The following SPAG16 variants were observed in gnomAD, a reference collection of about 807,000 sequenced individuals.
The protein encoded by SPAG16 is sperm associated antigen 16.
In SPAG16, 86 loss-of-function variants were observed where a neutral mutation model predicts 80.4. The ratio of observed to expected loss-of-function variants is 1.07; its 90% CI spans 0.90 to 1.28. The LOEUF is 1.28. Among genes scored for constraint, SPAG16 ranks in the 50% most tolerant of loss-of-function variants. The pLI is 0.00. For missense variants in SPAG16, 870 were observed against 765.3 expected (o/e 1.14, Z -1.61); for synonymous variants, 294 against 265.9 (o/e 1.11, Z -1.03).
intron 15 of SPAG16, among the ~76,000 whole-genome samples, chr2:214,368,052 T>A (rs1574419266): frequency 6.6e-6 from 1 of 152,164 alleles, no homozygotes; most frequent in African/African-American, 2.4e-5. Flanking sequence ...ATCTCAATAT[T>A]GAGTTTTTCC....
chr2:213,407,651 GGAGA>G (rs1172457158), intron 9 of SPAG16, among the ~76,000 whole-genome samples: 1 of 133,666 alleles, frequency 7.5e-6, no homozygotes, highest in South Asian at 2.6e-4. Flanking sequence ...CAGACAGACA[GGAGA>G]GAGAGAGGGG....
At chr2:213,551,423 T>C (rs1220329941) in intron 10 of SPAG16, among the ~76,000 whole-genome samples, 1 of 152,246 alleles carries the variant, frequency 6.6e-6, no homozygotes, top group Non-Finnish European at 1.5e-5. Flanking sequence ...TTTGCATTTA[T>C]AGTGTAAATG....
intron 11 of SPAG16, among the ~76,000 whole-genome samples, chr2:213,867,922 TCAA>T (rs199855444): frequency 0.029 from 1,580 of 54,348 alleles, 297 homozygotes; most frequent in Middle Eastern, 0.054. Context: ...AGACTCTGTC[TCAA>T]CAAAAAAAAA....
chr2:213,603,342 A>G (rs957578452), intron 10 of SPAG16, among the ~76,000 whole-genome samples: 1 of 152,224 alleles, frequency 6.6e-6, no homozygotes, highest in Non-Finnish European at 1.5e-5. Context: ...TTTCTATGCC[A>G]ATCTTCTGAT....
intron 5 of SPAG16, among the ~76,000 whole-genome samples, chr2:213,326,818 A>G (rs1229747894): frequency 6.6e-6 from 1 of 152,036 alleles, no homozygotes; most frequent in African/African-American, 2.4e-5. Context: ...TGATCATTCA[A>G]AAATACTTAA....
intron 9 of SPAG16, 73 bp downstream of exon 9, chr2:213,375,192 T>C: frequency 9.3e-7 from 1 of 1,078,504 alleles, no homozygotes; most frequent in Non-Finnish European, 1.3e-6. Context: ...ACTCATATGG[T>C]ATCATTATTT....
chr2:214,299,082 A>G (rs1331534747), intron 15 of SPAG16, among the ~76,000 whole-genome samples: 1 of 152,158 alleles, frequency 6.6e-6, no homozygotes, highest in East Asian at 1.9e-4. Flanking sequence ...ATCTTGGAGT[A>G]TCTGTGAGAA....
rs571001066 is a variant in SPAG16, at chr2:214,165,687, T to G, written c.1720+16421T>G. 4.0e-5 allele frequency among the ~76,000 whole-genome samples: 6 copies of G among 148,800 alleles called. No homozygotes were observed. In the East Asian group the frequency reaches 1.2e-3, roughly 30 times the overall value. ...AAACTTTGCTACTTATAAGAAAGAC[T>G]TGACCTGGCTTTGGGACAGCCAACT... is the stretch of plus-strand genomic sequence containing the variant. On this transcript the variant is annotated intron_variant, in intron 15 of 15. Transcript: ENST00000331683.
chr2:214,151,588 G>A (rs2055976138), intron 15 of SPAG16, among the ~76,000 whole-genome samples: 1 of 152,012 alleles, frequency 6.6e-6, no homozygotes, highest in African/African-American at 2.4e-5. Context: ...CCTATATGAT[G>A]TAATCTTTTT....
chr2:214,002,445 G>A (rs1015664511), intron 12 of SPAG16, among the ~76,000 whole-genome samples: 5 of 152,172 alleles, frequency 3.3e-5, no homozygotes, highest in African/African-American at 1.2e-4. Flanking sequence ...TTAAAAATTA[G>A]TGTAATTATA....
At position 213,800,469 on chromosome 2, in the gene SPAG16, C is replaced by T. The variant is rs1241874003; in HGVS notation, c.1071-62016C>T. On this transcript the variant is annotated intron_variant, in intron 10 of 15. Coordinates refer to ENST00000331683, the MANE Select transcript of SPAG16 (RefSeq NM_024532.5). ...GTAATCTCAAACTCCTGGGTTTGAG[C>T]GATCCTCCCACCTTAGCCTCCTTGA... Among the ~76,000 whole-genome samples the T allele has an allele frequency of 6.6e-5, 10 of 151,818 alleles. 1 individual carries two copies. The highest frequency in any genetic ancestry group is 1.2e-4 in the Non-Finnish European group (8 of 67,940).
chr2:213,791,438 G>T (rs1293140711), intron 10 of SPAG16, among the ~76,000 whole-genome samples: 4 of 151,856 alleles, frequency 2.6e-5, no homozygotes, highest in African/African-American at 9.7e-5. Flanking sequence ...GAATAAAATG[G>T]TACATCAGAT....
At chr2:213,627,410 C>T (rs1422700834) in intron 10 of SPAG16, among the ~76,000 whole-genome samples, 1 of 152,184 alleles carries the variant, frequency 6.6e-6, no homozygotes, top group Non-Finnish European at 1.5e-5. Flanking sequence ...TTCTTCTTGG[C>T]TATCAGGTCT....
At chr2:213,775,172 T>C (rs2069497471) in intron 10 of SPAG16, among the ~76,000 whole-genome samples, 1 of 152,218 alleles carries the variant, frequency 6.6e-6, no homozygotes, top group South Asian at 2.1e-4. Flanking sequence ...TTGAATGCCT[T>C]ACATTTTAGA....
intron 15 of SPAG16, among the ~76,000 whole-genome samples, chr2:214,314,139 A>G (rs1222647236): frequency 6.6e-6 from 1 of 152,130 alleles, no homozygotes; most frequent in East Asian, 1.9e-4. Context: ...CAGCATGCAC[A>G]TGGTCAGTTG....
chr2:213,833,494 A>AT (rs1559506049), intron 10 of SPAG16, among the ~76,000 whole-genome samples: 46 of 1,444 alleles, frequency 0.032, 2 homozygotes, highest in East Asian at 0.071. Flanking sequence ...TATTATATAT[A>AT]ATATATATAT....
At chr2:214,215,101 A>G (rs1252668839) in intron 15 of SPAG16, among the ~76,000 whole-genome samples, 1 of 152,082 alleles carries the variant, frequency 6.6e-6, no homozygotes, top group African/African-American at 2.4e-5. Flanking sequence ...GTTCCAGAAA[A>G]AGACATTGCC....
At chr2:213,992,859 G>A (rs2046350871) in intron 12 of SPAG16, among the ~76,000 whole-genome samples, 1 of 152,120 alleles carries the variant, frequency 6.6e-6, no homozygotes, top group Non-Finnish European at 1.5e-5. Flanking sequence ...TGTCTAATAG[G>A]CATATAAGTC....
At chr2:214,063,873 T>C (rs2050402993) in intron 13 of SPAG16, among the ~76,000 whole-genome samples, 1 of 152,190 alleles carries the variant, frequency 6.6e-6, no homozygotes, top group South Asian at 2.1e-4. Flanking sequence ...CTCCTCTCAC[T>C]GTAAACTCTC....
Sources: allele counts gnomAD v4.1 joint callset (sites outside exome capture counted in the v4.1 genomes callset), GRCh38; gene constraint gnomAD v4.1.1; transcripts MANE v1.5; gene names NCBI Gene and HGNC (gene_info 2026-07-23, HGNC 2026-07-21).